ARHGAP42: variants seen among roughly 807,000 people sequenced by gnomAD.
ARHGAP42 encodes Rho GTPase activating protein 42, also known as rho GTPase-activating protein 42.
Under a neutral mutation model 125.0 loss-of-function variants are expected in ARHGAP42, and 63 were observed. The ratio of observed to expected loss-of-function variants is 0.50; its 90% CI spans 0.41 to 0.62. ARHGAP42 has a LOEUF of 0.62. Ranked by LOEUF, ARHGAP42 falls within the 20% of genes least tolerant of loss-of-function variation. The probability of loss-of-function intolerance (pLI) is 0.00; values close to 1 mark genes in which losing one functional copy is unlikely to be tolerated. For synonymous variants in ARHGAP42, 339 were observed against 351.0 expected, an observed-to-expected ratio of 0.97 and a Z score of 0.38; for missense variants, 766 against 1,024.2, an observed-to-expected ratio of 0.75 and a Z score of 3.44.
chr11:100,724,272 G>A (rs558129254), intron 1 of ARHGAP42, among the ~76,000 whole-genome samples: 18 of 152,052 alleles, frequency 1.2e-4, no homozygotes, highest in Non-Finnish European at 2.6e-4. Context: ...ATATTGGTCT[G>A]TAGTTTTCCT....
chr11:100,958,304 G>A (rs1256919376), intron 12 of ARHGAP42, among the ~76,000 whole-genome samples: 2 of 152,046 alleles, frequency 1.3e-5, no homozygotes, highest in Non-Finnish European at 2.9e-5. Context: ...TCACTCTCAT[G>A]TAGGTAGGTC....
intron 8 of ARHGAP42, among the ~76,000 whole-genome samples, chr11:100,940,229 A>G (rs1010972609): frequency 1.3e-5 from 2 of 152,216 alleles, no homozygotes; most frequent in Admixed American, 6.6e-5. Flanking sequence ...TAAATGGCTC[A>G]TGAAACACTT....
At chr11:100,700,690 C>T (rs931285185) in intron 1 of ARHGAP42, among the ~76,000 whole-genome samples, 2 of 152,208 alleles carry the variant, frequency 1.3e-5, no homozygotes, top group African/African-American at 2.4e-5. Flanking sequence ...GCAATTCAGT[C>T]ACATCTTTAG....
At chr11:100,973,124 A>G (rs996097413) in intron 17 of ARHGAP42, 51 bp from the exon 18 acceptor site, 3 of 1,427,698 alleles carry the variant, frequency 2.1e-6, no homozygotes, top group Admixed American at 2.7e-5. Context: ...AGACTATTTC[A>G]TAATTTTGAA....
chr11:100,939,263 A>G (rs2135269125), intron 8 of ARHGAP42, among the ~76,000 whole-genome samples: 1 of 152,258 alleles, frequency 6.6e-6, no homozygotes, highest in Middle Eastern at 3.4e-3. Flanking sequence ...CCTTATTTAT[A>G]AAAGAGAGGG....
chr11:100,880,819 G>C (rs1043089419), intron 4 of ARHGAP42, among the ~76,000 whole-genome samples: 4 of 152,128 alleles, frequency 2.6e-5, no homozygotes, highest in African/African-American at 9.7e-5. Flanking sequence ...TCACACTGTG[G>C]TTTTGATTTG....
intron 3 of ARHGAP42, among the ~76,000 whole-genome samples, chr11:100,802,632 C>T (rs1055665468): frequency 1.3e-4 from 7 of 55,582 alleles, no homozygotes; most frequent in Non-Finnish European, 2.8e-4. Context: ...GAGGTTTCAC[C>T]CTGTTGGCGA....
At chr11:100,763,829 A>G (rs571625950) in intron 1 of ARHGAP42, among the ~76,000 whole-genome samples, 4 of 152,144 alleles carry the variant, frequency 2.6e-5, no homozygotes, top group Non-Finnish European at 5.9e-5. Flanking sequence ...TGACCATTTT[A>G]TGTGCATTTG....
chr11:100,973,025 T>G (rs1696329962), intron 17 of ARHGAP42, 150 bp from the exon 18 acceptor site: 1 of 617,152 alleles, frequency 1.6e-6, no homozygotes, highest in Non-Finnish European at 2.7e-6. Context: ...TAGGCCATAC[T>G]CCAAATGCCA....
intron 1 of ARHGAP42, 84 bp downstream of exon 1, chr11:100,687,916 C>G (rs565025673): frequency 7.2e-7 from 1 of 1,397,782 alleles, no homozygotes; most frequent in African/African-American, 1.5e-5. Context: ...TTGGAGGAGT[C>G]GGAGCTTCTT....
chr11:100,708,105 C>G (rs1861506974), intron 1 of ARHGAP42, among the ~76,000 whole-genome samples: 1 of 152,116 alleles, frequency 6.6e-6, no homozygotes, highest in African/African-American at 2.4e-5. Context: ...CTTCTTGAGC[C>G]CTGCCTTCCT....
At chr11:100,983,919 G>A (rs189114052) in intron 22 of ARHGAP42, among the ~76,000 whole-genome samples, 223 of 152,254 alleles carry the variant, frequency 1.5e-3, no homozygotes, top group African/African-American at 5.2e-3. Flanking sequence ...CGAGTGGACC[G>A]CCTGAGCCCA....
chr11:100,799,094 A>G (rs577085274), intron 3 of ARHGAP42, among the ~76,000 whole-genome samples: 66 of 152,348 alleles, frequency 4.3e-4, no homozygotes, highest in African/African-American at 1.2e-3. Flanking sequence ...GGCTACACCT[A>G]GAAGTTTTTG....
At chr11:100,840,205 T>A (rs1044619949) in intron 3 of ARHGAP42, among the ~76,000 whole-genome samples, 5 of 152,294 alleles carry the variant, frequency 3.3e-5, no homozygotes, top group African/African-American at 1.2e-4. Context: ...CTGCAAATGA[T>A]GCGTCCCCTA....
intron 1 of ARHGAP42, among the ~76,000 whole-genome samples, chr11:100,739,395 ACT>A (rs1862132119): frequency 1.3e-5 from 2 of 152,060 alleles, no homozygotes; most frequent in African/African-American, 2.4e-5. Context: ...TTTTTCTATG[ACT>A]CTCAAAAATA....
At chr11:100,912,526 G>T (rs1173851634) in intron 4 of ARHGAP42, among the ~76,000 whole-genome samples, 1 of 152,086 alleles carries the variant, frequency 6.6e-6, no homozygotes, top group African/African-American at 2.4e-5. Context: ...TAAAAGGAAG[G>T]AGTAGTACTT....
chr11:100,884,590 C>A (rs67093151), intron 4 of ARHGAP42, among the ~76,000 whole-genome samples: 22,369 of 151,984 alleles, frequency 0.15, 1,712 homozygotes, highest in Middle Eastern at 0.18. Context: ...ATGAAGTCAC[C>A]AACATGAAAA....
chr11:100,777,667 G>T (rs545444609), intron 2 of ARHGAP42, among the ~76,000 whole-genome samples: 1 of 151,990 alleles, frequency 6.6e-6, no homozygotes, highest in African/African-American at 2.4e-5. Flanking sequence ...TTTGTTTCAG[G>T]TTAAAAATCA....
chr11:100,885,050 G>A (rs951757482), intron 4 of ARHGAP42, among the ~76,000 whole-genome samples: 3 of 152,086 alleles, frequency 2.0e-5, no homozygotes, highest in African/African-American at 4.8e-5. Context: ...ATTAGAACTG[G>A]CAACATCCAA....
Sources: gnomAD v4.1 joint callset for allele counts (sites outside exome capture counted in the v4.1 genomes callset) on GRCh38, gnomAD v4.1.1 for gene constraint, MANE v1.5 for transcripts, NCBI Gene and HGNC (gene_info 2026-07-23, HGNC 2026-07-21) for gene names.